The following ADH1A variants were observed in gnomAD, a reference collection of about 807,000 sequenced individuals.
ADH1A encodes alcohol dehydrogenase 1A (class I), alpha polypeptide, also known as alcohol dehydrogenase 1A.
ADH1A carries 29 observed loss-of-function variants against 35.2 expected under a neutral mutation model. The ratio of observed to expected loss-of-function variants is 0.82; its 90% confidence interval spans 0.61 to 1.12. ADH1A has a LOEUF of 1.12. Ranked by LOEUF, ADH1A falls within the 50% of genes most tolerant of loss-of-function variation. The probability of loss-of-function intolerance (pLI) is 0.00; values close to 1 mark genes in which losing one functional copy is unlikely to be tolerated. For synonymous variants in ADH1A, 147 were observed against 164.8 expected (o/e 0.89, Z 0.83); for missense variants, 469 against 464.7 (o/e 1.01, Z -0.09).
intron 6 of ADH1A, chr4:99,281,363 T>C (rs1033451008): frequency 6.6e-6 from 1 of 152,212 alleles, no homozygotes; most frequent in African/African-American, 2.4e-5. Flanking sequence ...CCTTTGATAT[T>C]TGTAACTGTT....
At position 99,282,488 on chromosome 4, in the gene ADH1A, T is replaced by C. The variant is rs1452227862; in HGVS notation, c.686A>G (p.Lys229Arg). The change falls in exon 6 of 9, where the codon AAA becomes AGA. Residue 229 changes from lysine to arginine, a missense_variant. Coordinates refer to ENST00000209668, the MANE Select transcript of ADH1A (RefSeq NM_000667.4). The part of the protein sequence containing the change: ...RIIAVDINKD[K>R]FAKAKELGAT... ...ACCCAACTCTTTGGCCTTTGCAAAT[T>C]TGTCCTTGTTGATGTCCACCGCAAT... 1 of 1,614,030 alleles carries C rather than the reference T, an allele frequency of 6.2e-7. No homozygotes were observed. The highest frequency in any genetic ancestry group is 1.3e-5 in the African/African-American group (1 of 74,894).
chr4:99,282,033 G>T, intron 6 of ADH1A: 1 of 390,270 alleles, frequency 2.6e-6, no homozygotes, highest in Non-Finnish European at 4.6e-6. Flanking sequence ...AACAGAACTT[G>T]TATTATTTAT....
At chr4:99,276,791 A>G in intron 8 of ADH1A, 143 bp from the exon 9 acceptor site, 1 of 738,596 alleles carries the variant, frequency 1.4e-6, no homozygotes, top group South Asian at 1.8e-5. Context: ...GGTCAAGTGA[A>G]GTCAAAGGAA....
Position 99,286,045 on chromosome 4 carries a change from A to AT in ADH1A, c.259+804dup, listed in dbSNP as rs1233847158. 7.7e-3 allele frequency among the ~76,000 whole-genome samples: 1,131 copies of AT among 146,346 alleles called. 14 individuals are homozygous for AT. The highest frequency in any genetic ancestry group is 0.027 in the African/African-American group (1,065 of 38,770). On this transcript the variant is annotated intron_variant, in intron 3 of 8. Transcript: ENST00000209668. ...TCAAAAAAAAAAAAAAAAAAAAGTG[A>AT]TTTTTTTAGAATTAAACATAATTTT...
intron 1 of ADH1A, among the ~76,000 whole-genome samples, chr4:99,289,369 A>G (rs2110613360): frequency 6.6e-6 from 1 of 152,336 alleles, no homozygotes. Flanking sequence ...TTGAGGATCC[A>G]TTGACTCAGT....
rs769314401 is a variant in ADH1A, at chr4:99,279,555, C to A, written c.974G>T (p.Ser325Ile). 1.9e-6 allele frequency: 3 copies of A among 1,608,178 alleles called. No homozygotes were observed. The highest frequency in any genetic ancestry group is 2.5e-6 in the Non-Finnish European group (3 of 1,178,324). Residue 325 changes from serine (S) to isoleucine (I), a missense_variant, in exon 8 of 9, where the codon AGT becomes ATT. Ser to Ile is a moderately radical substitution (Grantham distance 142). Coordinates refer to ENST00000209668, the MANE Select transcript of ADH1A (RefSeq NM_000667.4). The part of the protein sequence containing the change: ...WKGAILGGFK[S>I]KECVPKLVAD... Reference sequence around the variant, plus strand: ...CACAAGTTTTGGGACACATTCTTTACTTTTAAAGCCTGAAAAGAAGATGGT... The same window carrying A: ...CACAAGTTTTGGGACACATTCTTTAATTTTAAAGCCTGAAAAGAAGATGGT...
intron 3 of ADH1A, among the ~76,000 whole-genome samples, chr4:99,285,874 T>A (rs1733138644): frequency 6.6e-6 from 1 of 151,690 alleles, no homozygotes; most frequent in Non-Finnish European, 1.5e-5. Context: ...CAGAAAAAAT[T>A]AGCTGGGTGT....
chr4:99,289,195 T>C (rs1192755071), intron 1 of ADH1A, among the ~76,000 whole-genome samples: 1 of 152,192 alleles, frequency 6.6e-6, no homozygotes, highest in Admixed American at 6.5e-5. Flanking sequence ...ATGCACACCA[T>C]ATTTTCTTTA....
At chr4:99,278,044 T>G (rs1005023845) in intron 8 of ADH1A, among the ~76,000 whole-genome samples, 13 of 152,088 alleles carry the variant, frequency 8.5e-5, no homozygotes, top group Non-Finnish European at 7.4e-5. Context: ...TTACCAATAT[T>G]GAGTGTTACA....
chr4:99,279,568 A>C lies in ADH1A; in HGVS notation c.965-4T>G. 6.2e-7 allele frequency: 1 copy of C among 1,606,996 alleles called. No individual in the cohort carries two copies. The highest frequency in any genetic ancestry group is 8.5e-7 in the Non-Finnish European group (1 of 1,177,940). ...ACACATTCTTTACTTTTAAAGCCTGAAAAGAAGATGGTATCATTGTTAGAT... is the reference window on the plus strand; with the variant it reads ...ACACATTCTTTACTTTTAAAGCCTGCAAAGAAGATGGTATCATTGTTAGAT... On this transcript the variant is annotated splice_region_variant and splice_polypyrimidine_tract_variant and intron_variant, in intron 7 of 8. Coordinates refer to ENST00000209668, the MANE Select transcript of ADH1A (RefSeq NM_000667.4).
intron 8 of ADH1A, 33 bp downstream of exon 8, chr4:99,279,393 A>G (rs776334499): frequency 6.4e-7 from 1 of 1,574,472 alleles, no homozygotes; most frequent in Non-Finnish European, 8.6e-7. Context: ...GGTAGAAAAA[A>G]AAGCAAAACA....
chr4:99,282,893 C>T (rs1346248890), intron 5 of ADH1A, among the ~76,000 whole-genome samples: 1 of 152,154 alleles, frequency 6.6e-6, no homozygotes, highest in Non-Finnish European at 1.5e-5. Flanking sequence ...CCAGGTGACT[C>T]CAATGGGAAG....
At chr4:99,288,604 G>A (rs933882085) in intron 1 of ADH1A, 1 of 152,114 alleles carries the variant, frequency 6.6e-6, no homozygotes, top group Non-Finnish European at 1.5e-5. Context: ...AAATTCAATT[G>A]AAATTTGTTC....
intron 5 of ADH1A, 33 bp downstream of exon 5, chr4:99,284,365 TG>T (rs1225384096): frequency 1.2e-6 from 2 of 1,604,832 alleles, no homozygotes; most frequent in Non-Finnish European, 1.7e-6. Flanking sequence ...ACAGTCTGCG[TG>T]TAACTGTTTT....
intron 5 of ADH1A, among the ~76,000 whole-genome samples, chr4:99,283,637 AT>A (rs1478441104): frequency 5.3e-5 from 8 of 152,206 alleles, no homozygotes; most frequent in Non-Finnish European, 1.2e-4. Context: ...AGTAAAAGAT[AT>A]TTTAGTCTCA....
intron 2 of ADH1A, 77 bp downstream of exon 2, chr4:99,287,487 T>C (rs112236413): frequency 7.2e-7 from 1 of 1,391,346 alleles, no homozygotes; most frequent in Admixed American, 2.1e-5. Context: ...GATGATCATA[T>C]AAAAATTTGG....
intron 5 of ADH1A, among the ~76,000 whole-genome samples, chr4:99,283,998 A>G (rs1733071805): frequency 6.6e-6 from 1 of 152,196 alleles, no homozygotes; most frequent in Non-Finnish European, 1.5e-5. Context: ...TCCACAGACT[A>G]GCTGCTCCTC....
At chr4:99,280,415 TC>T (rs1244414739) in intron 6 of ADH1A, 136 bp from the exon 7 acceptor site, 1 of 1,448,628 alleles carries the variant, frequency 6.9e-7, no homozygotes, top group Admixed American at 2.1e-5. Context: ...GCTCCTTCAG[TC>T]CCCTTTTTTG....
chr4:99,278,643 T>C (rs985266645), intron 8 of ADH1A: 2 of 152,196 alleles, frequency 1.3e-5, no homozygotes, highest in Admixed American at 1.3e-4. Context: ...GTTGAAAATC[T>C]CGTGAAAATA....
Sources: gnomAD v4.1 joint callset for allele counts (sites outside exome capture counted in the v4.1 genomes callset) on GRCh38, gnomAD v4.1.1 for gene constraint, MANE v1.5 for transcripts, NCBI Gene and HGNC (gene_info 2026-07-23, HGNC 2026-07-21) for gene names.